The following MOK variants were observed in gnomAD, a reference collection of about 807,000 sequenced individuals.
MOK encodes the protein MAPK/MAK/MRK overlapping kinase.
A neutral mutation model predicts 54.2 loss-of-function variants in MOK; 59 were observed. The observed-to-expected ratio is 1.09, with a 90% CI of 0.88 to 1.35. The LOEUF (loss-of-function observed/expected upper bound fraction) is 1.35, where lower values mean the gene tolerates loss of function less well. MOK is among the 40% of genes most tolerant of loss of function. The pLI, the probability that MOK is intolerant of heterozygous loss-of-function variation, is 0.00. For synonymous variants in MOK, 210 were observed against 202.7 expected, an observed-to-expected ratio of 1.04 and a Z score of -0.31; for missense variants, 517 against 526.2, an observed-to-expected ratio of 0.98 and a Z score of 0.17.
At chr14:102,273,126 C>T (rs538405846) in intron 2 of MOK, among the ~76,000 whole-genome samples, 25 of 151,716 alleles carry the variant, frequency 1.6e-4, no homozygotes, top group Admixed American at 7.2e-4. Flanking sequence ...GCTGAGATCG[C>T]GCCACTGCAC....
intron 8 of MOK, 73 bp downstream of exon 8, chr14:102,233,614 AG>A (rs1487420982): frequency 3.7e-5 from 50 of 1,339,116 alleles, no homozygotes; most frequent in Non-Finnish European, 5.3e-5. Flanking sequence ...AGGGAGGCAC[AG>A]GGAGGGGCTT....
At chr14:102,279,568 A>G (rs2069202451) in intron 2 of MOK, among the ~76,000 whole-genome samples, 1 of 152,032 alleles carries the variant, frequency 6.6e-6, no homozygotes, top group African/African-American at 2.4e-5. Flanking sequence ...GGCCTCCCAA[A>G]GTGCTGGGAT....
At chr14:102,217,687 C>G in the MOK span, among the ~76,000 whole-genome samples, 1 of 152,194 alleles carries the variant, frequency 6.6e-6, no homozygotes, top group Non-Finnish European at 1.5e-5. Flanking sequence ...CGTGAATAAA[C>G]CATGGCTGCT....
rs116138302 is a variant in MOK at position 102,234,326 on chromosome 14, C to G, written c.591-537G>C. ...TCCCCGAACCTGCCAAAGACCCAGA[C>G]AATCTCCTAGACTCTCCCATTGCTG... On this transcript the variant is annotated intron_variant, in intron 7 of 11. Coordinates refer to ENST00000361847, the MANE Select transcript of MOK (RefSeq NM_014226.3). Among the ~76,000 whole-genome samples, 698 of 152,032 alleles carry G rather than the reference C, an allele frequency of 4.6e-3. 6 individuals are homozygous for G. Among genetic ancestry groups the G allele is most frequent in the African/African-American group, 0.016 (648 of 41,450 alleles).
At chr14:102,303,455 T>C (rs2072462195) in intron 1 of MOK, among the ~76,000 whole-genome samples, 1 of 152,162 alleles carries the variant, frequency 6.6e-6, no homozygotes, top group African/African-American at 2.4e-5. Context: ...AATATCATTG[T>C]CATGAAAGAC....
Position 102,229,999 on chromosome 14 carries a change from G to C in MOK, c.982-342C>G, listed in dbSNP as rs1037536484. ...TGATCTGCCTGTCGCCTGGTTTTGG[G>C]TGGCTTGTGAGCTAAGGATGGTTTT... On this transcript the variant is annotated intron_variant, in intron 10 of 11. Transcript: ENST00000361847. 4.8e-5 allele frequency: 14 copies of C among 290,816 alleles called. No homozygotes were observed. The Admixed American group carries it at 6.6e-4, about 14-fold the overall frequency. The allele number at this position is 290,816 out of a possible 1,614,324, so 18.0% of individuals were successfully genotyped here.
At chr14:102,278,363 TC>T (rs2069081222) in intron 2 of MOK, among the ~76,000 whole-genome samples, 3 of 150,648 alleles carry the variant, frequency 2.0e-5, no homozygotes, top group Admixed American at 2.0e-4. Context: ...TTGAGGTTTT[TC>T]ATATTATACT....
rs1043075462 is a variant in MOK, at chr14:102,294,624, G to GA, written c.7+10337dup. Among the ~76,000 whole-genome samples the GA allele has an allele frequency of 4.9e-3, 694 of 142,372 alleles. 6 individuals are homozygous for GA. Among genetic ancestry groups the GA allele is most frequent in the African/African-American group, 0.016 (638 of 38,758 alleles). The allele number at this position is 142,372 out of a possible 152,430, so 93.4% of individuals were successfully genotyped here. ...ACAGCGAGAGACCTTGTCTCAAAAA[G>GA]AAAAAAAAAAGAAAATCAAAGGAGG... is the stretch of plus-strand genomic sequence containing the variant. On this transcript the variant is annotated intron_variant, in intron 1 of 11. Transcript: ENST00000361847.
rs1597576701 is a variant in MOK, at chr14:102,288,725, A to T, written c.8-5133T>A. On this transcript the variant is annotated intron_variant, in intron 1 of 11. Transcript: ENST00000361847. ...TATATTTCAATAACTCCATTAAAAC[A>T]GACAACTCTGTGGTGTTGGAAATCA... is the stretch of plus-strand genomic sequence containing the variant. Among the ~76,000 whole-genome samples the T allele has an allele frequency of 4.6e-5, 7 of 152,366 alleles. No homozygotes were observed. The South Asian group carries it at 1.4e-3, about 32-fold the overall frequency.
chr14:102,293,290 T>C (rs962570673), intron 1 of MOK, among the ~76,000 whole-genome samples: 3 of 152,160 alleles, frequency 2.0e-5, no homozygotes, highest in Non-Finnish European at 2.9e-5. Context: ...TATGTAACCA[T>C]TGATAACGAT....
In MOK at chr14:102,229,963, G is replaced by A. The variant is rs1438718870; in HGVS notation, c.982-306C>T. 12 of 369,476 alleles carry A rather than the reference G, an allele frequency of 3.2e-5. No individual in the cohort carries two copies. In the East Asian group the frequency reaches 6.0e-4, roughly 18 times the overall value. 22.9% of individuals were successfully genotyped at this position (369,476 alleles called of 1,614,324 possible). On this transcript the variant is annotated intron_variant, in intron 10 of 11. Transcript: ENST00000361847. ...TCCTGCCTCCTGCTCTAGCTCCAAG[G>A]TCTCACACCCTGATCTGCCTGTCGC...
At chr14:102,247,095 C>A (rs772014426) in intron 7 of MOK, among the ~76,000 whole-genome samples, 4 of 152,110 alleles carry the variant, frequency 2.6e-5, no homozygotes, top group African/African-American at 7.2e-5. Context: ...CCGCCACCTG[C>A]GACTGTGTCC....
chr14:102,281,196 C>T lies in MOK; in HGVS notation c.122+2282G>A, dbSNP rs112752940. On this transcript the variant is annotated intron_variant, in intron 2 of 11. Transcript: ENST00000361847. ...AAAATTAGCCGAGTGCTGTGACGCA[C>T]GCCTGTAGTCCCAGATACTCGGGAG... 2.8e-3 allele frequency among the ~76,000 whole-genome samples: 432 copies of T among 152,052 alleles called. 3 individuals carry two copies. The highest frequency in any genetic ancestry group is 0.017 in the Middle Eastern group (5 of 294).
At chr14:102,260,545 A>G (rs1597409371) in intron 4 of MOK, 2 of 152,046 alleles carry the variant, frequency 1.3e-5, no homozygotes, top group African/African-American at 4.8e-5. Context: ...ATCAGGATGC[A>G]TATTTCAATA....
intron 2 of MOK, among the ~76,000 whole-genome samples, chr14:102,275,275 G>A (rs1291636469): frequency 6.6e-6 from 1 of 152,094 alleles, no homozygotes; most frequent in Non-Finnish European, 1.5e-5. Flanking sequence ...ATTAATTTAA[G>A]ATGGATTGGC....
intron 7 of MOK, among the ~76,000 whole-genome samples, chr14:102,243,622 GCTGTACTCACT>G (rs2065880048): frequency 6.6e-6 from 1 of 152,086 alleles, no homozygotes; most frequent in African/African-American, 2.4e-5. Flanking sequence ...GGCTCCTTCA[GCTGTACTCACT>G]CTTTGTTGAG....
the MOK span, among the ~76,000 whole-genome samples, chr14:102,219,392 C>A: frequency 6.6e-6 from 1 of 152,210 alleles, no homozygotes; most frequent in African/African-American, 2.4e-5. Flanking sequence ...CCCTGCCACC[C>A]GGAGTGCTGT....
chr14:102,289,204 C>CA (rs1161277666), intron 1 of MOK, among the ~76,000 whole-genome samples: 2 of 151,568 alleles, frequency 1.3e-5, no homozygotes, highest in Non-Finnish European at 2.9e-5. Context: ...TGCGCTTGGC[C>CA]AATTTGTGCA....
At chr14:102,261,419 ATATATATATATATATATATATAT>A (rs1445202902) in intron 4 of MOK, among the ~76,000 whole-genome samples, 2 of 11,380 alleles carry the variant, frequency 1.8e-4, no homozygotes, top group East Asian at 2.0e-3. Context: ...AAAAAAAAAA[ATATATATATATATATATATATAT>A]ATATATATAT....
Sources: allele counts gnomAD v4.1 joint callset (sites outside exome capture counted in the v4.1 genomes callset), GRCh38; gene constraint gnomAD v4.1.1; transcripts MANE v1.5; gene names NCBI Gene and HGNC (gene_info 2026-07-23, HGNC 2026-07-21).